The following CSMD1 variants were observed in gnomAD, a reference collection of about 807,000 sequenced individuals.
CSMD1 encodes the protein CUB and Sushi multiple domains 1.
CSMD1 carries 213 observed loss-of-function variants against 417.5 expected under a neutral mutation model. That is an observed-to-expected ratio of 0.51 (90% CI 0.46 to 0.57). The LOEUF (loss-of-function observed/expected upper bound fraction) is 0.57. Among genes scored for constraint, CSMD1 ranks in the 20% least tolerant of loss-of-function variants. The pLI is 0.00. For synonymous variants in CSMD1, 2,862 were observed against 1,736.8 expected, an observed-to-expected ratio of 1.65 and a Z score of -16.11; for missense variants, 6,923 against 4,529.7, an observed-to-expected ratio of 1.53 and a Z score of -15.17.
At chr8:4,796,641 GA>G (rs1462972009) in intron 1 of CSMD1, among the ~76,000 whole-genome samples, 1 of 152,102 alleles carries the variant, frequency 6.6e-6, no homozygotes, top group Non-Finnish European at 1.5e-5. Context: ...TACCCATGGG[GA>G]AAAACACTGG....
chr8:3,369,435 C>T, intron 18 of CSMD1, 65 bp from the exon 19 acceptor site: 1 of 786,084 alleles, frequency 1.3e-6, no homozygotes, highest in Non-Finnish European at 2.2e-6. Context: ...GAACAAAATA[C>T]TGGTTAAATG....
intron 3 of CSMD1, among the ~76,000 whole-genome samples, chr8:4,068,341 G>T (rs1017589152): frequency 5.9e-5 from 9 of 152,122 alleles, no homozygotes; most frequent in Non-Finnish European, 1.0e-4. Context: ...TGAGAGTGGG[G>T]CTCAAAGCAG....
At chr8:3,309,532 T>A (rs1805164517) in intron 23 of CSMD1, among the ~76,000 whole-genome samples, 1 of 141,748 alleles carries the variant, frequency 7.1e-6, no homozygotes, top group Non-Finnish European at 1.6e-5. Flanking sequence ...ATATTCCTTT[T>A]ATGTGAGGCA....
At chr8:4,116,548 G>C (rs1271321217) in intron 3 of CSMD1, among the ~76,000 whole-genome samples, 7 of 73,464 alleles carry the variant, frequency 9.5e-5, no homozygotes, top group Non-Finnish European at 1.9e-4. Flanking sequence ...GAACAAACGC[G>C]CCATGAATGA....
chr8:4,933,932 C>T (rs930087001), intron 1 of CSMD1, among the ~76,000 whole-genome samples: 4 of 152,002 alleles, frequency 2.6e-5, no homozygotes, highest in African/African-American at 9.7e-5. Context: ...TCATAATAGG[C>T]AGAATCACAA....
chr8:3,554,389 G>C (rs1799050935), intron 10 of CSMD1, among the ~76,000 whole-genome samples: 1 of 152,192 alleles, frequency 6.6e-6, no homozygotes, highest in South Asian at 2.1e-4. Flanking sequence ...GGATTGAGGA[G>C]GAAGACAATG....
Position 3,889,995 on chromosome 8 carries a change from A to G in CSMD1, c.818+107908T>C, listed in dbSNP as rs1029494493. Among the ~76,000 whole-genome samples the G allele has an allele frequency of 1.1e-4, 17 of 152,220 alleles. 1 individual carries two copies. The highest frequency in any genetic ancestry group is 4.1e-4 in the African/African-American group (17 of 41,550). ...CCCAGGAGCTCGAGACAACCCTGGG[A>G]ATATAGGGAGATCCCTTCTCAAAAA... On this transcript the variant is annotated intron_variant, in intron 5 of 69. Coordinates refer to ENST00000635120, the MANE Select transcript of CSMD1 (RefSeq NM_033225.6).
chr8:3,241,089 C>T (rs1182983305), intron 26 of CSMD1, among the ~76,000 whole-genome samples: 2 of 150,516 alleles, frequency 1.3e-5, no homozygotes, highest in African/African-American at 4.9e-5. Flanking sequence ...GAGGAGGACG[C>T]AACGGAGGCT....
intron 26 of CSMD1, 88 bp from the exon 27 acceptor site, chr8:3,230,319 A>T (rs1798759872): frequency 9.6e-7 from 1 of 1,045,866 alleles, no homozygotes. Context: ...GGGTTGAAGC[A>T]CTCTTCATTG....
At chr8:4,198,169 G>T (rs944009226) in intron 3 of CSMD1, among the ~76,000 whole-genome samples, 3 of 152,196 alleles carry the variant, frequency 2.0e-5, no homozygotes, top group African/African-American at 7.2e-5. Context: ...CCCGAAGCAT[G>T]ATCAGGGGAG....
intron 3 of CSMD1, among the ~76,000 whole-genome samples, chr8:4,043,664 G>A (rs750072576): frequency 6.6e-6 from 1 of 152,122 alleles, no homozygotes; most frequent in Non-Finnish European, 1.5e-5. Flanking sequence ...TGGTTCCTGG[G>A]TGAAACCATA....
intron 40 of CSMD1, among the ~76,000 whole-genome samples, chr8:3,148,912 G>A (rs1209101399): frequency 6.6e-6 from 1 of 152,146 alleles, no homozygotes; most frequent in Admixed American, 6.6e-5. Flanking sequence ...TTATTCTGAA[G>A]CTTACCTACA....
chr8:4,802,024 A>G (rs1798315137), intron 1 of CSMD1, among the ~76,000 whole-genome samples: 1 of 152,144 alleles, frequency 6.6e-6, no homozygotes, highest in Non-Finnish European at 1.5e-5. Context: ...GTGTAGACAG[A>G]CCATTTGCAA....
intron 10 of CSMD1, among the ~76,000 whole-genome samples, chr8:3,561,446 C>G (rs765547157): frequency 6.6e-6 from 1 of 152,132 alleles, no homozygotes; most frequent in Admixed American, 6.6e-5. Context: ...GGATACCACA[C>G]AATCATAAAA....
chr8:4,099,776 T>A (rs1246238482), intron 3 of CSMD1, among the ~76,000 whole-genome samples: 1 of 152,168 alleles, frequency 6.6e-6, no homozygotes, highest in Non-Finnish European at 1.5e-5. Context: ...TCCCAGCCAC[T>A]TCCCTTATGA....
At chr8:4,333,014 A>G (rs1321181365) in intron 3 of CSMD1, among the ~76,000 whole-genome samples, 1 of 152,078 alleles carries the variant, frequency 6.6e-6, no homozygotes, top group Non-Finnish European at 1.5e-5. Flanking sequence ...CCTAGCAACA[A>G]TGTATTTCTC....
intron 5 of CSMD1, among the ~76,000 whole-genome samples, chr8:3,787,373 T>G (rs577249275): frequency 6.6e-6 from 1 of 152,234 alleles, no homozygotes; most frequent in South Asian, 2.1e-4. Context: ...GCAAAATCAA[T>G]TAAGTAAGCA....
chr8:4,942,028 C>T (rs5004554), intron 1 of CSMD1, among the ~76,000 whole-genome samples: 1 of 152,038 alleles, frequency 6.6e-6, no homozygotes, highest in African/African-American at 2.4e-5. Flanking sequence ...CAAAATTACC[C>T]TGGGTAAATG....
At chr8:4,415,223 C>T (rs1796867342) in intron 3 of CSMD1, among the ~76,000 whole-genome samples, 1 of 152,162 alleles carries the variant, frequency 6.6e-6, no homozygotes, top group Admixed American at 6.5e-5. Flanking sequence ...CTCCGCTCCC[C>T]ACTGAACTCA....
Sources: allele counts gnomAD v4.1 joint callset (sites outside exome capture counted in the v4.1 genomes callset), GRCh38; gene constraint gnomAD v4.1.1; transcripts MANE v1.5; gene names NCBI Gene and HGNC (gene_info 2026-07-23, HGNC 2026-07-21).